The following ECI2 variants were observed in gnomAD, a reference collection of about 807,000 sequenced individuals.
The protein encoded by ECI2 is enoyl-CoA delta isomerase 2.
ECI2 carries 27 observed loss-of-function variants against 38.4 expected under a neutral mutation model. The observed-to-expected ratio is 0.70, with a 90% confidence interval of 0.52 to 0.97. The LOEUF (loss-of-function observed/expected upper bound fraction) is 0.97, where lower values mean the gene tolerates loss of function less well. ECI2 is among the 50% of genes least tolerant of loss of function. The probability of loss-of-function intolerance (pLI) is 0.00; values close to 1 mark genes in which losing one functional copy is unlikely to be tolerated. For synonymous variants in ECI2, 168 were observed against 172.0 expected, an observed-to-expected ratio of 0.98 and a Z score of 0.18; for missense variants, 470 against 474.4, an observed-to-expected ratio of 0.99 and a Z score of 0.09.
intron 1 of ECI2, 83 bp from the exon 2 acceptor site, chr6:4,133,794 A>G: frequency 6.9e-7 from 1 of 1,442,156 alleles, no homozygotes; most frequent in South Asian, 1.5e-5. Context: ...CAGCCTATAC[A>G]TAACAAAATG....
intron 5 of ECI2, among the ~76,000 whole-genome samples, chr6:4,127,425 TTTTTTTTGAGAC>T: frequency 8.1e-6 from 1 of 122,720 alleles, no homozygotes; most frequent in South Asian, 2.6e-4. Context: ...TTTTTTTTTT[TTTTTTTTGAGAC>T]AGAGTCTCAC....
In ECI2 at chr6:4,133,199, G is replaced by A. The variant is rs76712039; in HGVS notation, c.213+350C>T. ...TTGACACCATTAACGATGATTTCTA[G>A]GTATCTTCTAACACTCTGTCCTTAC... On this transcript the variant is annotated intron_variant, in intron 2 of 9. Coordinates refer to ENST00000380118, the MANE Select transcript of ECI2 (RefSeq NM_206836.3). Among the ~76,000 whole-genome samples the A allele has an allele frequency of 6.0e-3, 916 of 152,176 alleles. 38 individuals carry two copies. The highest frequency in any genetic ancestry group is 0.049 in the Admixed American group (747 of 15,292).
chr6:4,122,867 T>C (rs1333205207), intron 7 of ECI2, among the ~76,000 whole-genome samples: 1 of 152,230 alleles, frequency 6.6e-6, no homozygotes, highest in Non-Finnish European at 1.5e-5. Context: ...ATTTATAATA[T>C]ACATAATGCA....
At chr6:4,132,669 A>G (rs1438706455) in intron 2 of ECI2, among the ~76,000 whole-genome samples, 1 of 152,196 alleles carries the variant, frequency 6.6e-6, no homozygotes, top group Non-Finnish European at 1.5e-5. Context: ...AAAATTTCCA[A>G]ACATACCAAA....
chr6:4,122,760 T>A (rs1772887229), intron 7 of ECI2, among the ~76,000 whole-genome samples: 1 of 152,226 alleles, frequency 6.6e-6, no homozygotes, highest in Non-Finnish European at 1.5e-5. Flanking sequence ...CCTCCCAAAG[T>A]GCCAGGATTA....
Position 4,119,194 on chromosome 6 carries a change from G to T in ECI2, c.877C>A (p.Pro293Thr). 1.2e-6 allele frequency: 2 copies of T among 1,612,574 alleles called. No homozygotes were observed. Among genetic ancestry groups the T allele is most frequent in the Non-Finnish European group, 1.7e-6 (2 of 1,179,428 alleles). The change falls in exon 8 of 10, where the codon CCA (proline) becomes ACA (threonine). Residue 293 changes from proline (P) to threonine (T), a missense_variant. By Grantham distance (38) the Pro-to-Thr change is conservative. Coordinates refer to ENST00000380118, the MANE Select transcript of ECI2 (RefSeq NM_206836.3). Reference protein sequence around the residue: ...SSYTFPKIMSPAKATEMLIFG... With the variant: ...SSYTFPKIMSTAKATEMLIFG... ...AACATTCCAAAAGTTACCTTGGCTG[G>T]GCTCATTATCTTCGGAAAAGTGTAA...
chr6:4,119,782 A>G (rs1260582170), intron 7 of ECI2, among the ~76,000 whole-genome samples: 3 of 152,180 alleles, frequency 2.0e-5, no homozygotes, highest in African/African-American at 7.2e-5. Flanking sequence ...CATAGCCACC[A>G]CCACTACTGA....
chr6:4,126,246 A>G lies in ECI2; in HGVS notation c.572-9T>C. On this transcript the variant is annotated splice_polypyrimidine_tract_variant and intron_variant, in intron 5 of 9. Coordinates refer to ENST00000380118, the MANE Select transcript of ECI2 (RefSeq NM_206836.3). The stretch of plus-strand genomic sequence containing the variant: ...GTAATAGTCACCATTTCCTATAAGT[A>G]AGAAAATCAACAGATCCCTCATTCA... The G allele has an allele frequency of 6.2e-7, 1 of 1,603,630 alleles. No individual in the cohort carries two copies.
intron 8 of ECI2, 171 bp from the exon 9 acceptor site, chr6:4,117,622 GT>G (rs1772370587): frequency 3.7e-6 from 3 of 810,750 alleles, no homozygotes; most frequent in Non-Finnish European, 3.6e-6. Context: ...TGCAAACTGT[GT>G]GCTGAGACAG....
rs560635057 is a variant in ECI2, at chr6:4,116,177, C to A, written c.1030-148G>T. The A allele has an allele frequency of 5.3e-6, 4 of 748,476 alleles. No homozygotes were observed. In the African/African-American group the frequency reaches 5.4e-5, roughly 10 times the overall value. 46.4% of individuals were successfully genotyped at this position (748,476 alleles called of 1,614,324 possible). A position where few individuals can be genotyped will look rare whatever the true frequency, so the allele number is the denominator to read the frequency against. On this transcript the variant is annotated intron_variant, in intron 9 of 9. Coordinates refer to ENST00000380118, the MANE Select transcript of ECI2 (RefSeq NM_206836.3). ...ACCAGCCTGGCCAACATGGTGAAAC[C>A]CCATCTCTACTAAAAATACAAAAAT...
intron 2 of ECI2, among the ~76,000 whole-genome samples, chr6:4,131,481 A>G (rs1046260114): frequency 1.3e-5 from 2 of 152,232 alleles, no homozygotes; most frequent in African/African-American, 4.8e-5. Context: ...CCACTCAGCT[A>G]CTTTTCAGAA....
intron 7 of ECI2, among the ~76,000 whole-genome samples, chr6:4,122,815 C>T (rs114858439): frequency 4.1e-4 from 62 of 152,266 alleles, no homozygotes; most frequent in African/African-American, 1.3e-3. Flanking sequence ...TTTCATCGGG[C>T]TACTCTGTAC....
Position 4,130,570 on chromosome 6 carries a change from C to T in ECI2, c.313-10G>A, listed in dbSNP as rs374518619. 1.1e-4 allele frequency: 177 copies of T among 1,614,020 alleles called. No homozygotes were observed. The highest frequency in any genetic ancestry group is 1.3e-4 in the Non-Finnish European group (157 of 1,180,036). Reference sequence around the variant, plus strand: ...TCTGCCTGGCAGCTTCCTGAACGGACGATGACAAACAACCTCAGCCCATGG... The same window carrying T: ...TCTGCCTGGCAGCTTCCTGAACGGATGATGACAAACAACCTCAGCCCATGG... On this transcript the variant is annotated splice_polypyrimidine_tract_variant and intron_variant, in intron 3 of 9. Transcript: ENST00000380118.
intron 4 of ECI2, among the ~76,000 whole-genome samples, 157 bp from the exon 5 acceptor site, chr6:4,127,988 C>T (rs956939676): frequency 1.3e-5 from 2 of 152,212 alleles, no homozygotes; most frequent in African/African-American, 4.8e-5. Flanking sequence ...ACCAACATAA[C>T]TGAAGGAATT....
chr6:4,120,717 A>G (rs930172407), intron 7 of ECI2, among the ~76,000 whole-genome samples: 2 of 151,984 alleles, frequency 1.3e-5, no homozygotes, highest in Non-Finnish European at 2.9e-5. Context: ...ACAGAGTGAA[A>G]AAAAAAAAAG....
At chr6:4,129,031 T>G (rs1014649149) in intron 4 of ECI2, among the ~76,000 whole-genome samples, 1 of 152,176 alleles carries the variant, frequency 6.6e-6, no homozygotes, top group African/African-American at 2.4e-5. Flanking sequence ...AGATGGATTA[T>G]CAGGGTTCCT....
At chr6:4,135,294 C>A in intron 1 of ECI2, 1 of 1,376,948 alleles carries the variant, frequency 7.3e-7, no homozygotes, top group South Asian at 1.3e-5. Context: ...CCTGACCTCC[C>A]GACGCGCCCA....
intron 8 of ECI2, chr6:4,118,444 T>C (rs868026973): frequency 6.6e-6 from 1 of 152,250 alleles, no homozygotes; most frequent in Non-Finnish European, 1.5e-5. Flanking sequence ...CATACATATA[T>C]AAGTTTTTAA....
chr6:4,125,633 T>C (rs1237830563), intron 6 of ECI2: 3 of 510,442 alleles, frequency 5.9e-6, no homozygotes, highest in Non-Finnish European at 1.1e-5. Flanking sequence ...TTCTGGACAG[T>C]GAGTTCAGGG....
Sources: gnomAD v4.1 joint callset for allele counts (sites outside exome capture counted in the v4.1 genomes callset) on GRCh38, gnomAD v4.1.1 for gene constraint, MANE v1.5 for transcripts, NCBI Gene and HGNC (gene_info 2026-07-23, HGNC 2026-07-21) for gene names.